The following MACROD2 variants were observed in gnomAD, a reference collection of about 807,000 sequenced individuals.
MACROD2 encodes the protein mono-ADP ribosylhydrolase 2, also known as ADP-ribose glycohydrolase MACROD2.
MACROD2 carries 36 observed loss-of-function variants against 70.4 expected under a neutral mutation model. The ratio of observed to expected loss-of-function variants is 0.51; its 90% CI spans 0.39 to 0.68. The LOEUF is 0.68. MACROD2 is among the 30% of genes least tolerant of loss of function. MACROD2 has a pLI of 0.00. For synonymous variants in MACROD2, 172 were observed against 178.8 expected, an observed-to-expected ratio of 0.96 and a Z score of 0.30; for missense variants, 496 against 538.4, an observed-to-expected ratio of 0.92 and a Z score of 0.78.
At chr20:14,265,206 C>A (rs2122328579) in intron 3 of MACROD2, among the ~76,000 whole-genome samples, 1 of 152,306 alleles carries the variant, frequency 6.6e-6, no homozygotes, top group East Asian at 1.9e-4. Context: ...AGATGCATTT[C>A]CAAGTATCAC....
At chr20:15,938,519 T>G (rs1373930529) in intron 12 of MACROD2, among the ~76,000 whole-genome samples, 2 of 152,158 alleles carry the variant, frequency 1.3e-5, no homozygotes, top group Non-Finnish European at 2.9e-5. Flanking sequence ...CTATGTACTG[T>G]GCCCATATAA....
chr20:15,447,434 G>C (rs1021439175), intron 7 of MACROD2, among the ~76,000 whole-genome samples: 4 of 152,134 alleles, frequency 2.6e-5, no homozygotes, highest in Non-Finnish European at 4.4e-5. Context: ...CTCAAGTGAG[G>C]CAGTGCCCAT....
At chr20:14,309,888 A>G (rs2082551474) in intron 3 of MACROD2, among the ~76,000 whole-genome samples, 2 of 152,272 alleles carry the variant, frequency 1.3e-5, no homozygotes, top group Middle Eastern at 3.4e-3. Flanking sequence ...GTAGAATATC[A>G]GTGCTATTTT....
At chr20:15,926,299 C>G (rs1464019222) in intron 10 of MACROD2, among the ~76,000 whole-genome samples, 1 of 151,924 alleles carries the variant, frequency 6.6e-6, no homozygotes, top group Non-Finnish European at 1.5e-5. Flanking sequence ...TCTTTTTTTC[C>G]TGATTCATTT....
chr20:14,336,303 G>T (rs2082935218), intron 3 of MACROD2, among the ~76,000 whole-genome samples: 3 of 151,384 alleles, frequency 2.0e-5, no homozygotes, highest in Non-Finnish European at 4.4e-5. Context: ...AACCATTAGA[G>T]ATTTTGGACT....
At chr20:14,041,612 C>G (rs1475314964) in intron 2 of MACROD2, among the ~76,000 whole-genome samples, 1 of 152,094 alleles carries the variant, frequency 6.6e-6, no homozygotes, top group Non-Finnish European at 1.5e-5. Context: ...GTAAGGCTGA[C>G]AAGATTAGAT....
At chr20:14,379,114 C>T (rs1794093995) in intron 3 of MACROD2, among the ~76,000 whole-genome samples, 1 of 152,068 alleles carries the variant, frequency 6.6e-6, no homozygotes, top group Admixed American at 6.5e-5. Context: ...TTTGAATCTT[C>T]ATAACAACCC....
chr20:15,796,120 A>C (rs1453204288), intron 8 of MACROD2, among the ~76,000 whole-genome samples: 1 of 152,214 alleles, frequency 6.6e-6, no homozygotes, highest in Non-Finnish European at 1.5e-5. Context: ...GGATAGCAGA[A>C]ATGGACGCAG....
intron 3 of MACROD2, among the ~76,000 whole-genome samples, chr20:14,353,829 C>G (rs6079397): frequency 6.6e-6 from 1 of 152,036 alleles, no homozygotes; most frequent in Non-Finnish European, 1.5e-5. Context: ...ATGCCAATGC[C>G]TAAATTGATT....
At chr20:16,021,428 T>C (rs1171051739) in intron 15 of MACROD2, among the ~76,000 whole-genome samples, 2 of 152,018 alleles carry the variant, frequency 1.3e-5, no homozygotes, top group African/African-American at 4.8e-5. Context: ...AGCAGCAGAG[T>C]TGTGCAGGGA....
chr20:14,966,650 A>G (rs2074639724), intron 5 of MACROD2, among the ~76,000 whole-genome samples: 1 of 152,162 alleles, frequency 6.6e-6, no homozygotes, highest in African/African-American at 2.4e-5. Flanking sequence ...GAGCTCTGTC[A>G]TCATCCATTA....
chr20:14,279,027 T>C (rs1366511847), intron 3 of MACROD2, among the ~76,000 whole-genome samples: 1 of 152,132 alleles, frequency 6.6e-6, no homozygotes, highest in Non-Finnish European at 1.5e-5. Context: ...CAAGAGTCTG[T>C]GTTGGATATT....
chr20:15,696,394 C>T (rs1402963246), intron 8 of MACROD2, among the ~76,000 whole-genome samples: 1 of 152,084 alleles, frequency 6.6e-6, no homozygotes, highest in South Asian at 2.1e-4. Flanking sequence ...GGTATGAAAC[C>T]CATTTGATCA....
At chr20:15,118,823 T>A (rs1221278407) in intron 5 of MACROD2, among the ~76,000 whole-genome samples, 1 of 152,234 alleles carries the variant, frequency 6.6e-6, no homozygotes, top group Non-Finnish European at 1.5e-5. Flanking sequence ...TACACCAGCT[T>A]TTATACTTTG....
chr20:15,888,165 A>G (rs192387671), intron 10 of MACROD2, among the ~76,000 whole-genome samples: 1 of 152,192 alleles, frequency 6.6e-6, no homozygotes, highest in African/African-American at 2.4e-5. Flanking sequence ...CTGAGAGAAT[A>G]AGACCTAAGA....
At chr20:15,276,324 C>T (rs928291435) in intron 6 of MACROD2, among the ~76,000 whole-genome samples, 5 of 150,332 alleles carry the variant, frequency 3.3e-5, no homozygotes, top group African/African-American at 7.4e-5. Flanking sequence ...GGCGTGAACC[C>T]GGGAGGCGGA....
At chr20:15,875,568 A>T (rs1329443237) in intron 9 of MACROD2, among the ~76,000 whole-genome samples, 11 of 151,958 alleles carry the variant, frequency 7.2e-5, no homozygotes, top group Admixed American at 7.2e-4. Flanking sequence ...TTTTGCCTTC[A>T]ATGAAAATCC....
At chr20:14,646,731 A>T (rs1454503786) in intron 4 of MACROD2, among the ~76,000 whole-genome samples, 1 of 152,110 alleles carries the variant, frequency 6.6e-6, no homozygotes, top group Non-Finnish European at 1.5e-5. Flanking sequence ...ACATTGTTTC[A>T]TGAAAAGTAA....
chr20:15,541,025 G>A (rs1224846843), intron 8 of MACROD2, among the ~76,000 whole-genome samples: 1 of 152,152 alleles, frequency 6.6e-6, no homozygotes, highest in Non-Finnish European at 1.5e-5. Flanking sequence ...AGGTACTGTG[G>A]TTTAGGTCTT....
Sources: gnomAD v4.1 joint callset for allele counts (sites outside exome capture counted in the v4.1 genomes callset) on GRCh38, gnomAD v4.1.1 for gene constraint, MANE v1.5 for transcripts, NCBI Gene and HGNC (gene_info 2026-07-23, HGNC 2026-07-21) for gene names.